TSPAN9: variants seen among roughly 807,000 people sequenced by gnomAD.
TSPAN9 encodes tetraspanin 9.
TSPAN9 carries 16 observed loss-of-function variants against 31.0 expected under a neutral mutation model. That is an observed-to-expected ratio of 0.52 (90% confidence interval 0.35 to 0.78). TSPAN9 has a LOEUF of 0.78. Among genes scored for constraint, TSPAN9 ranks in the 30% least tolerant of loss-of-function variants. The pLI, the probability that TSPAN9 is intolerant of heterozygous loss-of-function variation, is 0.01. For synonymous variants in TSPAN9, 145 were observed against 121.6 expected, an observed-to-expected ratio of 1.19 and a Z score of -1.27; for missense variants, 272 against 312.5, an observed-to-expected ratio of 0.87 and a Z score of 0.98.
At chr12:3,176,042 G>A (rs969905191) in intron 2 of TSPAN9, among the ~76,000 whole-genome samples, 1 of 152,150 alleles carries the variant, frequency 6.6e-6, no homozygotes, top group Non-Finnish European at 1.5e-5. Context: ...AATGAGATTC[G>A]TCCCAGCCCT....
chr12:3,191,202 A>T (rs1181426864), intron 2 of TSPAN9, among the ~76,000 whole-genome samples: 1 of 152,048 alleles, frequency 6.6e-6, no homozygotes, highest in East Asian at 1.9e-4. Flanking sequence ...TAGGAGAGGG[A>T]GTTGCTGAGA....
intron 2 of TSPAN9, among the ~76,000 whole-genome samples, chr12:3,174,870 C>T (rs1156237638): frequency 6.6e-6 from 1 of 152,244 alleles, no homozygotes; most frequent in Non-Finnish European, 1.5e-5. Context: ...GCGTGAGCCA[C>T]CGCACCCGGC....
intron 3 of TSPAN9, among the ~76,000 whole-genome samples, chr12:3,254,972 G>T (rs1213766534): frequency 6.6e-6 from 1 of 152,200 alleles, no homozygotes; most frequent in Non-Finnish European, 1.5e-5. Flanking sequence ...AGGGGACAGG[G>T]GAGAGGCTGG....
Position 3,147,241 on chromosome 12 carries a change from A to G in TSPAN9, c.-17-53936A>G, listed in dbSNP as rs949962873. Among the ~76,000 whole-genome samples, 7 of 152,088 alleles carry G rather than the reference A, an allele frequency of 4.6e-5. No individual in the cohort carries two copies. Among genetic ancestry groups the G allele is most frequent in the Admixed American group, 4.6e-4 (7 of 15,274 alleles). On this transcript the variant is annotated intron_variant, in intron 2 of 8. Transcript: ENST00000011898. The surrounding 1 kb of genome is among the most constrained non-coding windows in gnomAD (Gnocchi z 4.3). Reference sequence around the variant, plus strand: ...GTGAGGTATGGAGGAGCTGCTGGGCAGCAGGAGGCAGGGACCACGGTCCCT... The same window carrying G: ...GTGAGGTATGGAGGAGCTGCTGGGCGGCAGGAGGCAGGGACCACGGTCCCT...
chr12:3,263,174 C>G (rs1195518810), intron 3 of TSPAN9, among the ~76,000 whole-genome samples: 1 of 152,248 alleles, frequency 6.6e-6, no homozygotes, highest in South Asian at 2.1e-4. Flanking sequence ...CTGTCTCATA[C>G]AGCCAGGGAG....
chr12:3,259,435 A>T (rs1430749131), intron 3 of TSPAN9, among the ~76,000 whole-genome samples: 1 of 152,210 alleles, frequency 6.6e-6, no homozygotes, highest in Non-Finnish European at 1.5e-5. Flanking sequence ...CTCCTTCTAC[A>T]GGTATTTACT....
rs1045418756 is a variant in TSPAN9, at chr12:3,168,640, G to A, written c.-17-32537G>A. On this transcript the variant is annotated intron_variant, in intron 2 of 8. Coordinates refer to ENST00000011898, the MANE Select transcript of TSPAN9 (RefSeq NM_006675.5). This position sits in a 1 kb window ranked among gnomAD's most constrained non-coding sequence, Gnocchi z 4.0. ...GAAGTGCTGCATCCAATCTCTTTAC[G>A]AATGGATGTCTCAAGAGCAGTTACA... is the stretch of plus-strand genomic sequence containing the variant. Among the ~76,000 whole-genome samples, 12 of 152,120 alleles carry A rather than the reference G, an allele frequency of 7.9e-5. No homozygotes were observed. The highest frequency in any genetic ancestry group is 3.9e-4 in the East Asian group (2 of 5,186).
Position 3,231,730 on chromosome 12 carries a change from C to T in TSPAN9, c.63+30474C>T, listed in dbSNP as rs557622771. On this transcript the variant is annotated intron_variant, in intron 3 of 8. Coordinates refer to ENST00000011898, the MANE Select transcript of TSPAN9 (RefSeq NM_006675.5). Reference sequence around the variant, plus strand: ...TGGGCGGGCGGCGCCTTCAGATGATCTCCCGGCTCGGGTTACTTGTTGGCT... The same window carrying T: ...TGGGCGGGCGGCGCCTTCAGATGATTTCCCGGCTCGGGTTACTTGTTGGCT... Among the ~76,000 whole-genome samples the T allele has an allele frequency of 2.0e-5, 3 of 152,386 alleles. No individual in the cohort carries two copies. The South Asian group carries it at 6.2e-4, about 32-fold the overall frequency.
intron 3 of TSPAN9, among the ~76,000 whole-genome samples, chr12:3,223,025 C>T (rs988707181): frequency 6.6e-6 from 1 of 152,214 alleles, no homozygotes; most frequent in African/African-American, 2.4e-5. Context: ...GAGGGACCTG[C>T]AGGAGCCGAG....
intron 3 of TSPAN9, among the ~76,000 whole-genome samples, chr12:3,202,008 G>A (rs1350654210): frequency 6.6e-6 from 1 of 152,234 alleles, no homozygotes; most frequent in Admixed American, 6.5e-5. Flanking sequence ...AGGGAGACAA[G>A]CAGGGTGCCC....
chr12:3,105,742 ACACACT>A (rs1357196988), intron 2 of TSPAN9, among the ~76,000 whole-genome samples: 2 of 120,968 alleles, frequency 1.7e-5, no homozygotes, highest in East Asian at 4.9e-4. Flanking sequence ...GCGTGCACAC[ACACACT>A]CACACACACG....
Position 3,206,702 on chromosome 12 carries a change from C to T in TSPAN9, c.63+5446C>T, listed in dbSNP as rs960820277. On this transcript the variant is annotated intron_variant, in intron 3 of 8. Coordinates refer to ENST00000011898, the MANE Select transcript of TSPAN9 (RefSeq NM_006675.5). The stretch of plus-strand genomic sequence containing the variant: ...GCTCTGTGGCTAGTTGAGCACCTGC[C>T]GTAAGCCGGGACTTTGAGCTGCTCA... 7.9e-5 allele frequency among the ~76,000 whole-genome samples: 12 copies of T among 152,000 alleles called. 1 individual carries two copies. Among genetic ancestry groups the T allele is most frequent in the Non-Finnish European group, 1.6e-4 (11 of 68,010 alleles).
intron 2 of TSPAN9, among the ~76,000 whole-genome samples, chr12:3,157,062 C>G (rs1195224140): frequency 1.3e-5 from 2 of 151,778 alleles, no homozygotes; most frequent in East Asian, 3.9e-4. Flanking sequence ...GAGGGCAGAG[C>G]AGGTTTTATT....
At chr12:3,208,995 G>A (rs2098376811) in intron 3 of TSPAN9, among the ~76,000 whole-genome samples, 1 of 152,186 alleles carries the variant, frequency 6.6e-6, no homozygotes. Context: ...CTAGCACTTT[G>A]GGAGGCCAAG....
At chr12:3,177,169 G>T (rs753172934) in intron 2 of TSPAN9, among the ~76,000 whole-genome samples, 4 of 151,904 alleles carry the variant, frequency 2.6e-5, no homozygotes, top group Non-Finnish European at 5.9e-5. Flanking sequence ...ATAGAGTCTC[G>T]CTCTGTTGCC....
In TSPAN9 at chr12:3,148,899, G is replaced by A. The variant is rs534634824; in HGVS notation, c.-17-52278G>A. Among the ~76,000 whole-genome samples, 4 of 152,312 alleles carry A rather than the reference G, an allele frequency of 2.6e-5. No homozygotes were observed. The South Asian group carries it at 8.3e-4, about 32-fold the overall frequency. On this transcript the variant is annotated intron_variant, in intron 2 of 8. Transcript: ENST00000011898. Reference sequence around the variant, plus strand: ...GTGGGAGGAGGGGATGAGGAGAAGAGGGGGCCTCTCGGGCGTGCCTGGCCG... The same window carrying A: ...GTGGGAGGAGGGGATGAGGAGAAGAAGGGGCCTCTCGGGCGTGCCTGGCCG...
At chr12:3,223,334 T>C (rs886764999) in intron 3 of TSPAN9, among the ~76,000 whole-genome samples, 6 of 152,166 alleles carry the variant, frequency 3.9e-5, no homozygotes, top group Non-Finnish European at 8.8e-5. Context: ...TCCTCCAGCA[T>C]GGCCAGCCCT....
intron 2 of TSPAN9, among the ~76,000 whole-genome samples, chr12:3,112,548 T>A (rs1468406019): frequency 2.3e-5 from 3 of 132,702 alleles, no homozygotes; most frequent in African/African-American, 8.0e-5. Context: ...TGGTTAAAAG[T>A]TTGTCAATTT....
At chr12:3,241,445 C>T (rs1219974193) in intron 3 of TSPAN9, among the ~76,000 whole-genome samples, 4 of 152,162 alleles carry the variant, frequency 2.6e-5, no homozygotes, top group Non-Finnish European at 5.9e-5. Context: ...CACAGTCATA[C>T]ATGTGTCAAT....
Sources: allele counts gnomAD v4.1 joint callset (sites outside exome capture counted in the v4.1 genomes callset), GRCh38; gene constraint gnomAD v4.1.1; non-coding constraint Gnocchi (gnomAD v3.1); transcripts MANE v1.5; gene names NCBI Gene and HGNC (gene_info 2026-07-23, HGNC 2026-07-21).